The following SGCZ variants were observed in gnomAD, a reference collection of about 807,000 sequenced individuals.
The protein encoded by SGCZ is sarcoglycan zeta, also known as zeta-sarcoglycan.
Under a neutral mutation model 41.3 loss-of-function variants are expected in SGCZ, and 40 were observed. The observed-to-expected ratio is 0.97, with a 90% CI of 0.75 to 1.26. SGCZ has a LOEUF of 1.26. Among genes scored for constraint, SGCZ ranks in the 50% most tolerant of loss-of-function variants. The pLI is 0.00. For synonymous variants in SGCZ, 206 were observed against 137.5 expected (o/e 1.50, Z -3.49); for missense variants, 552 against 369.8 (o/e 1.49, Z -4.04).
At chr8:14,419,327 T>C (rs1799578306) in intron 2 of SGCZ, among the ~76,000 whole-genome samples, 1 of 151,906 alleles carries the variant, frequency 6.6e-6, no homozygotes, top group South Asian at 2.1e-4. Context: ...TTTTCATTGC[T>C]TTGACTCATA....
intron 1 of SGCZ, among the ~76,000 whole-genome samples, chr8:14,909,592 T>C (rs1296666527): frequency 6.6e-6 from 1 of 152,172 alleles, no homozygotes; most frequent in African/African-American, 2.4e-5. Context: ...TTTGTTAGGC[T>C]TTCAATAAGT....
chr8:14,489,959 C>G (rs764581940), intron 2 of SGCZ, among the ~76,000 whole-genome samples: 1 of 151,572 alleles, frequency 6.6e-6, no homozygotes, highest in Non-Finnish European at 1.5e-5. Context: ...CCTCCGCCTC[C>G]CAGGTTCAAG....
chr8:14,451,604 C>G (rs530192540), intron 2 of SGCZ, among the ~76,000 whole-genome samples: 2 of 152,092 alleles, frequency 1.3e-5, no homozygotes. Context: ...TGATAAAGGA[C>G]TGCTATTCAA....
At chr8:14,516,185 G>T (rs28687904) in intron 2 of SGCZ, among the ~76,000 whole-genome samples, 7,610 of 151,630 alleles carry the variant, frequency 0.05, 431 homozygotes, top group African/African-American at 0.14. Context: ...ACATGTGAAG[G>T]TTTGATACAT....
intron 1 of SGCZ, among the ~76,000 whole-genome samples, chr8:14,637,720 T>A (rs184092744): frequency 6.6e-6 from 1 of 151,982 alleles, no homozygotes; most frequent in East Asian, 1.9e-4. Context: ...TCTAACCCAC[T>A]GTCAATGAGC....
chr8:14,209,765 G>A (rs918555813), intron 4 of SGCZ, among the ~76,000 whole-genome samples: 5 of 152,038 alleles, frequency 3.3e-5, no homozygotes, highest in African/African-American at 9.7e-5. Flanking sequence ...GTAAGTAAAC[G>A]AGAGCTGGGA....
At chr8:14,285,426 T>G (rs1800588767) in intron 3 of SGCZ, among the ~76,000 whole-genome samples, 1 of 152,116 alleles carries the variant, frequency 6.6e-6, no homozygotes, top group African/African-American at 2.4e-5. Flanking sequence ...CTCCTGAGCC[T>G]TTCGAACTGG....
intron 1 of SGCZ, among the ~76,000 whole-genome samples, chr8:15,126,056 A>T (rs919151323): frequency 2.6e-5 from 4 of 152,264 alleles, no homozygotes; most frequent in Admixed American, 2.6e-4. Flanking sequence ...CAAGGCAGGA[A>T]AATTGCTTGA....
chr8:14,666,226 T>C (rs1398886268), intron 1 of SGCZ, among the ~76,000 whole-genome samples: 1 of 152,178 alleles, frequency 6.6e-6, no homozygotes, highest in Non-Finnish European at 1.5e-5. Flanking sequence ...GAAATGTTTG[T>C]AGGGCATAAA....
chr8:14,601,853 G>T (rs1379495107), intron 1 of SGCZ, among the ~76,000 whole-genome samples: 2 of 152,164 alleles, frequency 1.3e-5, no homozygotes, highest in African/African-American at 4.8e-5. Flanking sequence ...GGGCGCGGTG[G>T]CTCACGCCTG....
intron 1 of SGCZ, among the ~76,000 whole-genome samples, chr8:15,130,202 G>T (rs182583079): frequency 1.7e-4 from 26 of 152,176 alleles, no homozygotes; most frequent in Non-Finnish European, 2.8e-4. Flanking sequence ...GGCTCCTGGC[G>T]AGCTGCAAAA....
intron 1 of SGCZ, among the ~76,000 whole-genome samples, chr8:14,809,660 G>C (rs1353496159): frequency 6.6e-6 from 1 of 152,060 alleles, no homozygotes; most frequent in African/African-American, 2.4e-5. Flanking sequence ...ATGGATTTAA[G>C]ACTATCAAAA....
intron 1 of SGCZ, among the ~76,000 whole-genome samples, chr8:15,055,798 T>G (rs941946948): frequency 6.6e-6 from 1 of 152,150 alleles, no homozygotes; most frequent in African/African-American, 2.4e-5. Context: ...TCACTGTCCT[T>G]GAGGTGCATT....
chr8:14,543,058 T>C (rs1803518886), intron 2 of SGCZ, among the ~76,000 whole-genome samples: 1 of 152,002 alleles, frequency 6.6e-6, no homozygotes, highest in African/African-American at 2.4e-5. Context: ...CTGGTTTTAC[T>C]TTAATCTGTC....
chr8:14,667,036 G>C (rs1807932842), intron 1 of SGCZ, among the ~76,000 whole-genome samples: 1 of 151,920 alleles, frequency 6.6e-6, no homozygotes, highest in Non-Finnish European at 1.5e-5. Context: ...AATGATAATA[G>C]AGACATATAG....
At chr8:14,398,406 G>T (rs1464879533) in intron 2 of SGCZ, among the ~76,000 whole-genome samples, 1 of 150,854 alleles carries the variant, frequency 6.6e-6, no homozygotes, top group Non-Finnish European at 1.5e-5. Flanking sequence ...ACTCCGTAAG[G>T]TTCTTTTCAC....
chr8:14,930,653 G>A (rs577802395), intron 1 of SGCZ, among the ~76,000 whole-genome samples: 33 of 152,132 alleles, frequency 2.2e-4, no homozygotes, highest in South Asian at 8.3e-4. Flanking sequence ...ATACTATGCA[G>A]CCATAAAAAA....
intron 2 of SGCZ, among the ~76,000 whole-genome samples, chr8:14,428,133 C>CACAT (rs1554517043): frequency 8.8e-4 from 11 of 12,554 alleles, no homozygotes; most frequent in East Asian, 7.3e-3. Context: ...CACACACACA[C>CACAT]ATATATATAT....
At chr8:14,992,017 C>T (rs1802030406) in intron 1 of SGCZ, among the ~76,000 whole-genome samples, 1 of 150,086 alleles carries the variant, frequency 6.7e-6, no homozygotes, top group Non-Finnish European at 1.5e-5. Context: ...ACCCATCCTC[C>T]TCATTCAATC....
Sources: gnomAD v4.1 joint callset for allele counts (sites outside exome capture counted in the v4.1 genomes callset) on GRCh38, gnomAD v4.1.1 for gene constraint, MANE v1.5 for transcripts, NCBI Gene and HGNC (gene_info 2026-07-23, HGNC 2026-07-21) for gene names.